Variants in TRAPPC9 observed in about 807,000 individuals in gnomAD.
TRAPPC9 encodes the protein trafficking protein particle complex subunit 9.
TRAPPC9 carries 83 observed loss-of-function variants against 124.0 expected under a neutral mutation model. The observed-to-expected ratio is 0.67, with a 90% confidence interval of 0.56 to 0.80. TRAPPC9 has a LOEUF of 0.80. Ranked by LOEUF, TRAPPC9 falls within the 30% of genes least tolerant of loss-of-function variation. The pLI is 0.00. For synonymous variants in TRAPPC9, 638 were observed against 617.5 expected (o/e 1.03, Z -0.49); for missense variants, 1,302 against 1,508.3 (o/e 0.86, Z 2.27).
intron 21 of TRAPPC9, among the ~76,000 whole-genome samples, chr8:139,737,470 C>CCCG (rs1818267276): frequency 8.8e-6 from 1 of 113,470 alleles, no homozygotes; most frequent in African/African-American, 3.0e-5. Context: ...CAGCCCTCCC[C>CCCG]CCCCCCCCAC....
chr8:140,287,173 C>T (rs2065508348), intron 13 of TRAPPC9, among the ~76,000 whole-genome samples: 1 of 152,090 alleles, frequency 6.6e-6, no homozygotes, highest in Non-Finnish European at 1.5e-5. Context: ...GAAAAGTAGG[C>T]CCTGTATTTA....
chr8:140,157,706 G>A (rs1391259330), intron 17 of TRAPPC9, among the ~76,000 whole-genome samples: 1 of 151,484 alleles, frequency 6.6e-6, no homozygotes, highest in African/African-American at 2.4e-5. Context: ...AAAAAAAAAG[G>A]AGGGGGTTCT....
chr8:140,259,586 C>T (rs1029587886), intron 15 of TRAPPC9, among the ~76,000 whole-genome samples: 6 of 152,218 alleles, frequency 3.9e-5, no homozygotes, highest in Non-Finnish European at 8.8e-5. Context: ...AACAAGTTGA[C>T]GGAAGTCAAA....
At chr8:140,012,521 C>T (rs1432953013) in intron 18 of TRAPPC9, among the ~76,000 whole-genome samples, 2 of 152,204 alleles carry the variant, frequency 1.3e-5, no homozygotes, top group Non-Finnish European at 2.9e-5. Flanking sequence ...CCCGACAGCC[C>T]GATAAGGAGG....
chr8:140,186,437 T>C (rs958658387), intron 17 of TRAPPC9, among the ~76,000 whole-genome samples: 8 of 151,974 alleles, frequency 5.3e-5, no homozygotes, highest in Non-Finnish European at 1.2e-4. Context: ...TACAAAAAAA[T>C]TAGCTGGGCA....
chr8:140,405,842 T>C (rs1310055935), intron 5 of TRAPPC9, 144 bp from the exon 6 acceptor site: 3 of 898,958 alleles, frequency 3.3e-6, no homozygotes, highest in African/African-American at 3.3e-5. Context: ...ACAGCTTATA[T>C]GCTTCCTATA....
chr8:140,197,595 A>G (rs2062698837), intron 17 of TRAPPC9, among the ~76,000 whole-genome samples: 1 of 152,198 alleles, frequency 6.6e-6, no homozygotes, highest in African/African-American at 2.4e-5. Context: ...TAGATGAAAT[A>G]CAGTGATGTG....
chr8:139,825,978 G>A lies in TRAPPC9; in HGVS notation c.3055+59901C>T, dbSNP rs1825599693. On this transcript the variant is annotated intron_variant, in intron 21 of 22. Transcript: ENST00000438773. The surrounding 1 kb of genome is among the most constrained non-coding windows in gnomAD (Gnocchi z 4.6). ...GCCATGATGAGGATGTGCAACAGCA[G>A]GGGAGCTCCAGGGCCCCTGTCCTCT... is the stretch of plus-strand genomic sequence containing the variant. 6.6e-6 allele frequency among the ~76,000 whole-genome samples: 1 copy of A among 152,196 alleles called. No individual in the cohort carries two copies. The highest frequency in any genetic ancestry group is 2.4e-5 in the African/African-American group (1 of 41,452).
At chr8:139,967,823 G>T (rs777197056) in intron 19 of TRAPPC9, among the ~76,000 whole-genome samples, 2 of 152,154 alleles carry the variant, frequency 1.3e-5, no homozygotes, top group Non-Finnish European at 2.9e-5. Flanking sequence ...TAAAAAGCAC[G>T]CTTTGTTTTT....
At position 140,129,288 on chromosome 8, in the gene TRAPPC9, G is replaced by A. The variant is rs1238013200; in HGVS notation, c.2556+92171C>T. ...GGGTGTGTCTGGCCCCTTGCAAGGT[G>A]AGGCGGCACCGACTGAGGAGGATGC... On this transcript the variant is annotated intron_variant, in intron 17 of 22. Transcript: ENST00000438773. Among the ~76,000 whole-genome samples, 4 of 152,100 alleles carry A rather than the reference G, an allele frequency of 2.6e-5. No individual in the cohort carries two copies. In the South Asian group the frequency reaches 8.3e-4, roughly 32 times the overall value.
chr8:139,921,863 C>T (rs1329911525), intron 19 of TRAPPC9, among the ~76,000 whole-genome samples: 8 of 151,082 alleles, frequency 5.3e-5, no homozygotes, highest in African/African-American at 1.7e-4. Context: ...TCCTCCCCGC[C>T]GCGTCTGGGA....
chr8:140,057,580 C>A (rs996023325), intron 17 of TRAPPC9, among the ~76,000 whole-genome samples: 1 of 152,156 alleles, frequency 6.6e-6, no homozygotes, highest in Non-Finnish European at 1.5e-5. Flanking sequence ...GGAAATAAAG[C>A]AGTCACAGAA....
rs187717852 is a variant in TRAPPC9, at chr8:140,037,912, C to A, written c.2557-13833G>T. ...CACACACACACACACACACACACAC[C>A]CCAGAGCTTCCCTCGTGCTGCATGG... On this transcript the variant is annotated intron_variant, in intron 17 of 22. Transcript: ENST00000438773. 9.5e-4 allele frequency among the ~76,000 whole-genome samples: 127 copies of A among 133,560 alleles called. 1 individual carries two copies. Among genetic ancestry groups the A allele is most frequent in the African/African-American group, 3.2e-3 (117 of 36,510 alleles). 87.6% of individuals were successfully genotyped at this position (133,560 alleles called of 152,430 possible). A position where few individuals can be genotyped will look rare whatever the true frequency, so the allele number is the denominator to read the frequency against.
intron 18 of TRAPPC9, among the ~76,000 whole-genome samples, chr8:139,996,033 A>G (rs570028260): frequency 5.9e-5 from 9 of 151,480 alleles, no homozygotes; most frequent in Admixed American, 1.3e-4. Context: ...CAATAACTTC[A>G]AGATGACTGT....
chr8:139,735,680 T>C (rs1196195953), intron 21 of TRAPPC9, among the ~76,000 whole-genome samples: 3 of 151,922 alleles, frequency 2.0e-5, no homozygotes, highest in Non-Finnish European at 4.4e-5. Context: ...TGTTTTGTTT[T>C]GTTTTTTTGC....
At position 140,370,857 on chromosome 8, in the gene TRAPPC9, G is replaced by A. The variant is rs111383376; in HGVS notation, c.1351+107C>T. On this transcript the variant is annotated intron_variant, in intron 8 of 22. Transcript: ENST00000438773. ...AGGGCAGGGATCTAGTCATTCTGGA[G>A]CCACCAGCACCAACCACGATGTCTG... is the stretch of plus-strand genomic sequence containing the variant. 1.0e-3 allele frequency: 1,293 copies of A among 1,275,626 alleles called. 18 individuals carry two copies. The African/African-American group carries it at 0.016, about 16-fold the overall frequency. The allele number at this position is 1,275,626 out of a possible 1,614,324, so 79.0% of individuals were successfully genotyped here.
intron 17 of TRAPPC9, among the ~76,000 whole-genome samples, chr8:140,221,045 G>A (rs955449058): frequency 2.0e-5 from 3 of 152,172 alleles, no homozygotes; most frequent in Non-Finnish European, 2.9e-5. Flanking sequence ...ACTTGCTACC[G>A]GCATATCTGT....
Position 140,128,634 on chromosome 8 carries a change from G to A in TRAPPC9, c.2556+92825C>T, listed in dbSNP as rs149142737. Among the ~76,000 whole-genome samples, 117 of 152,352 alleles carry A rather than the reference G, an allele frequency of 7.7e-4. 1 individual carries two copies. The East Asian group carries it at 0.018, about 24-fold the overall frequency. On this transcript the variant is annotated intron_variant, in intron 17 of 22. Coordinates refer to ENST00000438773, the MANE Select transcript of TRAPPC9 (RefSeq NM_001160372.4). ...TACGGCAGATCCTCAAAATGATCCC[G>A]TGGGGTGGGGATTATCAGTGCTACA...
At chr8:139,836,569 C>T (rs578232323) in intron 21 of TRAPPC9, among the ~76,000 whole-genome samples, 41 of 152,300 alleles carry the variant, frequency 2.7e-4, no homozygotes, top group Admixed American at 1.3e-3. Flanking sequence ...CAGATGCTGC[C>T]GCCACACGGG....
Sources: allele counts gnomAD v4.1 joint callset (sites outside exome capture counted in the v4.1 genomes callset), GRCh38; gene constraint gnomAD v4.1.1; non-coding constraint Gnocchi (gnomAD v3.1); transcripts MANE v1.5; gene names NCBI Gene and HGNC (gene_info 2026-07-23, HGNC 2026-07-21).